HECW2: variants seen among roughly 807,000 people sequenced by gnomAD.
HECW2 encodes HECT, C2 and WW domain containing E3 ubiquitin protein ligase 2, also known as E3 ubiquitin-protein ligase HECW2.
In HECW2, 61 loss-of-function variants were observed where a neutral mutation model predicts 175.2. The ratio of observed to expected loss-of-function variants is 0.35; its 90% CI spans 0.28 to 0.43. The LOEUF (loss-of-function observed/expected upper bound fraction) is 0.43, where lower values mean the gene tolerates loss of function less well. HECW2 is among the 20% of genes least tolerant of loss of function. The pLI is 1.00. For synonymous variants in HECW2, 671 were observed against 731.0 expected (o/e 0.92, Z 1.32); for missense variants, 1,524 against 2,000.5 (o/e 0.76, Z 4.54).
chr2:196,564,953 G>T, intron 1 of HECW2, among the ~76,000 whole-genome samples: 1 of 48,244 alleles, frequency 2.1e-5, no homozygotes, highest in Non-Finnish European at 4.0e-5. Flanking sequence ...TCTATGCTTT[G>T]ATTTTTTTTT....
chr2:196,400,576 C>G (rs927161801), intron 2 of HECW2, among the ~76,000 whole-genome samples: 2 of 152,122 alleles, frequency 1.3e-5, no homozygotes, highest in Non-Finnish European at 2.9e-5. Flanking sequence ...TTTTGTTGTT[C>G]TACTCCTATT....
At chr2:196,380,858 T>C (rs1306498393) in intron 2 of HECW2, among the ~76,000 whole-genome samples, 2 of 152,244 alleles carry the variant, frequency 1.3e-5, no homozygotes, top group African/African-American at 4.8e-5. Flanking sequence ...AAGCCTACTG[T>C]GCTGAGTTCA....
intron 2 of HECW2, among the ~76,000 whole-genome samples, chr2:196,367,566 C>T (rs12327940): frequency 0.35 from 53,324 of 151,978 alleles, 12,561 homozygotes; most frequent in African/African-American, 0.67. Context: ...TGTTGTGCTA[C>T]CAAATGCTAG....
At chr2:196,359,093 T>A (rs1441820306) in intron 2 of HECW2, among the ~76,000 whole-genome samples, 1 of 152,002 alleles carries the variant, frequency 6.6e-6, no homozygotes, top group African/African-American at 2.4e-5. Context: ...GTGTAAAGAG[T>A]TACCAGGAAT....
At chr2:196,267,794 A>G (rs1424704213) in intron 17 of HECW2, among the ~76,000 whole-genome samples, 1 of 152,214 alleles carries the variant, frequency 6.6e-6, no homozygotes, top group African/African-American at 2.4e-5. Flanking sequence ...CACAAAGTAA[A>G]GAGGTATACC....
intron 2 of HECW2, among the ~76,000 whole-genome samples, chr2:196,430,930 G>A (rs986714768): frequency 1.8e-4 from 27 of 151,938 alleles, no homozygotes; most frequent in East Asian, 1.9e-4. Context: ...ATTAACTTAC[G>A]AAGCTCAGAG....
intron 1 of HECW2, among the ~76,000 whole-genome samples, chr2:196,559,585 AC>A (rs557151766): frequency 5.9e-4 from 90 of 152,338 alleles, no homozygotes; most frequent in South Asian, 5.0e-3. Flanking sequence ...AGGAGCTCTA[AC>A]AAAGTTAGGA....
intron 21 of HECW2, chr2:196,239,337 A>C (rs1462456922): frequency 6.6e-6 from 1 of 152,268 alleles, no homozygotes; most frequent in Non-Finnish European, 1.5e-5. Context: ...GAAAAAATTC[A>C]GATGGGCTGG....
At chr2:196,446,953 A>G (rs532679575) in intron 1 of HECW2, among the ~76,000 whole-genome samples, 8 of 152,352 alleles carry the variant, frequency 5.3e-5, no homozygotes, top group Non-Finnish European at 1.2e-4. Context: ...ACTTACAGTC[A>G]TAAGACTAGA....
chr2:196,457,973 A>G (rs1696580245), intron 1 of HECW2, among the ~76,000 whole-genome samples: 1 of 152,026 alleles, frequency 6.6e-6, no homozygotes, highest in Non-Finnish European at 1.5e-5. Flanking sequence ...ACCATACTCT[A>G]CAATACTGGG....
chr2:196,273,044 G>A (rs562802153), intron 16 of HECW2, among the ~76,000 whole-genome samples: 12 of 132,796 alleles, frequency 9.0e-5, no homozygotes, highest in African/African-American at 2.6e-4. Context: ...TGGAGAGCTG[G>A]TCTAATTTTT....
intron 28 of HECW2, among the ~76,000 whole-genome samples, chr2:196,207,924 A>G (rs1251856671): frequency 6.6e-6 from 1 of 152,240 alleles, no homozygotes; most frequent in Admixed American, 6.5e-5. Context: ...ATGCATTCTG[A>G]GCAGGTACCT....
chr2:196,308,133 T>G (rs1320915073), intron 10 of HECW2, 48 bp from the exon 11 acceptor site: 1 of 1,386,072 alleles, frequency 7.2e-7, no homozygotes, highest in South Asian at 1.5e-5. Flanking sequence ...GGAGCTGAGA[T>G]GATTAATAGG....
At chr2:196,395,465 A>G (rs779542297) in intron 2 of HECW2, among the ~76,000 whole-genome samples, 4 of 152,220 alleles carry the variant, frequency 2.6e-5, no homozygotes, top group Non-Finnish European at 5.9e-5. Context: ...CATGTATGTG[A>G]TAAGAGATTG....
intron 3 of HECW2, among the ~76,000 whole-genome samples, chr2:196,335,261 C>T (rs942695429): frequency 5.3e-5 from 8 of 152,096 alleles, no homozygotes; most frequent in Admixed American, 2.0e-4. Context: ...AATACAAATG[C>T]CAATTATGGT....
intron 2 of HECW2, among the ~76,000 whole-genome samples, chr2:196,363,716 C>T (rs569473553): frequency 3.3e-5 from 5 of 152,168 alleles, no homozygotes; most frequent in African/African-American, 9.6e-5. Context: ...GCCAGCTACT[C>T]GGGAGGCTGA....
intron 3 of HECW2, among the ~76,000 whole-genome samples, chr2:196,340,626 A>T (rs535763775): frequency 1.1e-4 from 16 of 147,624 alleles, no homozygotes; most frequent in African/African-American, 3.2e-4. Context: ...AAAAAATGAC[A>T]TCCCAAAGGC....
intron 2 of HECW2, among the ~76,000 whole-genome samples, chr2:196,399,847 TG>T (rs1694771675): frequency 6.6e-6 from 1 of 152,206 alleles, no homozygotes; most frequent in Non-Finnish European, 1.5e-5. Flanking sequence ...CTTTCACAGC[TG>T]TGTCTACTGA....
intron 2 of HECW2, among the ~76,000 whole-genome samples, chr2:196,417,241 T>C (rs1209751313): frequency 6.6e-6 from 1 of 152,238 alleles, no homozygotes; most frequent in Non-Finnish European, 1.5e-5. Flanking sequence ...AAAAATATCA[T>C]ACTTCACTGC....
Sources: gnomAD v4.1 joint callset for allele counts (sites outside exome capture counted in the v4.1 genomes callset) on GRCh38, gnomAD v4.1.1 for gene constraint, MANE v1.5 for transcripts, NCBI Gene and HGNC (gene_info 2026-07-23, HGNC 2026-07-21) for gene names.